ENTPD1: variants seen among roughly 807,000 people sequenced by gnomAD.
ENTPD1 encodes ATP diphosphohydrolase.
Under a neutral mutation model 57.0 loss-of-function variants are expected in ENTPD1, and 33 were observed. That is an observed-to-expected ratio of 0.58 (90% CI 0.44 to 0.77). The LOEUF (loss-of-function observed/expected upper bound fraction) is 0.77, where lower values mean the gene tolerates loss of function less well. ENTPD1 is among the 30% of genes least tolerant of loss of function. The pLI is 0.00. For synonymous variants in ENTPD1, 202 were observed against 218.8 expected (o/e 0.92, Z 0.68); for missense variants, 501 against 603.4 (o/e 0.83, Z 1.78).
the ENTPD1 span, among the ~76,000 whole-genome samples, chr10:95,702,469 T>C: frequency 6.6e-6 from 1 of 151,892 alleles, no homozygotes; most frequent in Non-Finnish European, 1.5e-5. Flanking sequence ...GAAAATGTGT[T>C]GAAAATTCAG....
intron 1 of ENTPD1, among the ~76,000 whole-genome samples, chr10:95,762,227 A>AAT (rs2098067394): frequency 6.6e-6 from 1 of 151,236 alleles, no homozygotes; most frequent in African/African-American, 2.4e-5. Context: ...AAAAAAAAAA[A>AAT]GAAGTGTTTC....
In ENTPD1 at chr10:95,870,524, C is replaced by T. The variant is rs902049033; in HGVS notation, c.*4141C>T. The T allele has an allele frequency of 1.0e-6, 1 of 974,562 alleles. No individual in the cohort carries two copies. Among genetic ancestry groups the T allele is most frequent in the African/African-American group, 1.8e-5 (1 of 57,128 alleles). The allele number at this position is 974,562 out of a possible 1,614,324, so 60.4% of individuals were successfully genotyped here. A position where few individuals can be genotyped will look rare whatever the true frequency, so the allele number is the denominator to read the frequency against. On this transcript the variant is annotated 3_prime_UTR_variant, in exon 10 of 10. Coordinates refer to ENST00000371205, the MANE Select transcript of ENTPD1 (RefSeq NM_001776.6). ...GAACTCCTGCCCTCAAGCAATCCTC[C>T]TGCCTTGGCCTCCCAAAGTGTTGAG... is the stretch of plus-strand genomic sequence containing the variant.
In ENTPD1 at chr10:95,845,473, C is replaced by A. The variant is rs1184807168; in HGVS notation, c.690C>A (p.Ile230=). The change falls in exon 6 of 10, where the codon ATC becomes ATA. Residue 230 remains isoleucine, a synonymous_variant. Coordinates refer to ENST00000371205, the MANE Select transcript of ENTPD1 (RefSeq NM_001776.6). The part of the protein sequence containing the change: ...QVTFVPQNQT[I]ESPDNALQFR... ...CTTTTGTACCCCAAAACCAGACTAT[C>A]GAGTCCCCAGATAATGCTCTGCAAT... 6.2e-7 allele frequency: 1 copy of A among 1,614,204 alleles called. No individual in the cohort carries two copies. The highest frequency in any genetic ancestry group is 8.5e-7 in the Non-Finnish European group (1 of 1,180,036).
Position 95,813,001 on chromosome 10 carries a change from C to T in ENTPD1, c.17-10236C>T, listed in dbSNP as rs190325117. ...CATTTTCTTAATGATTTTAAAATGA[C>T]GCTTATATATTAGTGAATCCAACTA... On this transcript the variant is annotated intron_variant, in intron 1 of 9. Transcript: ENST00000371205. Among the ~76,000 whole-genome samples, 95 of 152,174 alleles carry T rather than the reference C, an allele frequency of 6.2e-4. 1 individual carries two copies. Among genetic ancestry groups the T allele is most frequent in the East Asian group, 1.7e-3 (9 of 5,192 alleles).
At chr10:95,707,563 G>C (rs1292318514), upstream of ENTPD1, among the ~76,000 whole-genome samples, 4 of 152,146 alleles carry the variant, frequency 2.6e-5, no homozygotes, top group Admixed American at 6.5e-5. Context: ...CTTCAAATGG[G>C]CTAGGGTTAC....
chr10:95,806,890 A>G (rs2098275046), intron 1 of ENTPD1, among the ~76,000 whole-genome samples: 1 of 152,132 alleles, frequency 6.6e-6, no homozygotes, highest in Non-Finnish European at 1.5e-5. Flanking sequence ...GCTTCGTCCC[A>G]AAAGGGGACC....
intron 1 of ENTPD1, among the ~76,000 whole-genome samples, chr10:95,781,196 C>T (rs2098156199): frequency 6.6e-6 from 1 of 151,758 alleles, no homozygotes; most frequent in Non-Finnish European, 1.5e-5. Context: ...TTTGTGGGAG[C>T]TAAAAATTAA....
intron 1 of ENTPD1, among the ~76,000 whole-genome samples, chr10:95,768,235 T>G (rs1241207351): frequency 6.6e-6 from 1 of 152,266 alleles, no homozygotes; most frequent in Non-Finnish European, 1.5e-5. Flanking sequence ...ATAAGATAAC[T>G]GGGTATAGAC....
chr10:95,812,362 CT>C (rs1322740206), intron 1 of ENTPD1, among the ~76,000 whole-genome samples: 1 of 152,154 alleles, frequency 6.6e-6, no homozygotes, highest in Non-Finnish European at 1.5e-5. Flanking sequence ...AGTCTGGTTT[CT>C]TTTACTTAGC....
Position 95,867,346 on chromosome 10 carries a change from A to G in ENTPD1, c.*963A>G, listed in dbSNP as rs1279917104. 1 of 985,384 alleles carries G rather than the reference A, an allele frequency of 1.0e-6. No individual in the cohort carries two copies. Among genetic ancestry groups the G allele is most frequent in the Non-Finnish European group, 1.2e-6 (1 of 829,952 alleles). 61.0% of individuals were successfully genotyped at this position (985,384 alleles called of 1,614,324 possible). A position where few individuals can be genotyped will look rare whatever the true frequency, so the allele number is the denominator to read the frequency against. On this transcript the variant is annotated 3_prime_UTR_variant, in exon 10 of 10. Coordinates refer to ENST00000371205, the MANE Select transcript of ENTPD1 (RefSeq NM_001776.6). ...TAGTTCCAGAACATTTGCATCATCA[A>G]TACATTGTCTAGAGACAAGACTATC...
rs770434965 is a variant in ENTPD1, at chr10:95,873,491, G to A, written c.*7108G>A. 14 of 985,344 alleles carry A rather than the reference G, an allele frequency of 1.4e-5. No individual in the cohort carries two copies. Among genetic ancestry groups the A allele is most frequent in the Non-Finnish European group, 1.7e-5 (14 of 829,986 alleles). 61.0% of individuals were successfully genotyped at this position (985,344 alleles called of 1,614,324 possible). A position where few individuals can be genotyped will look rare whatever the true frequency, so the allele number is the denominator to read the frequency against. The stretch of plus-strand genomic sequence containing the variant: ...TCTTGCCCTGGTCTTCAGTGTATTA[G>A]ATGTATTACCTCCATGCTCTCAGTA... On this transcript the variant is annotated 3_prime_UTR_variant, in exon 10 of 10. Transcript: ENST00000371205.
rs543384835 is a variant in ENTPD1, at chr10:95,876,460, A to G, written c.*10077A>G. On this transcript the variant is annotated 3_prime_UTR_variant, in exon 10 of 10. Transcript: ENST00000371205. ...TATAGGCATACCATAATTGTAATCA[A>G]TAGCTTAAAAATATGTCTCTCTGTC... The G allele has an allele frequency of 1.6e-6, 2 of 1,231,412 alleles. No homozygotes were observed. The highest frequency in any genetic ancestry group is 3.1e-5 in the African/African-American group (2 of 64,424). The allele number at this position is 1,231,412 out of a possible 1,614,324, so 76.3% of individuals were successfully genotyped here.
At chr10:95,720,995 A>G (rs6584018) in intron 1 of ENTPD1, among the ~76,000 whole-genome samples, 75,614 of 151,854 alleles carry the variant, frequency 0.5, 19,320 homozygotes, top group East Asian at 0.74. Flanking sequence ...CAAGTTCAAT[A>G]GGGTTTTTTA....
intron 1 of ENTPD1, among the ~76,000 whole-genome samples, chr10:95,732,902 G>A (rs1319580335): frequency 6.6e-6 from 1 of 152,152 alleles, no homozygotes; most frequent in African/African-American, 2.4e-5. Flanking sequence ...GGCAAATGGA[G>A]GCAGGGTGAG....
Position 95,845,497 on chromosome 10 carries a change from A to G in ENTPD1, c.714A>G (p.Gln238=), listed in dbSNP as rs1347354562. ...TCGAGTCCCCAGATAATGCTCTGCA[A>G]TTTCGCCTCTATGGCAAGGACTACA... is the stretch of plus-strand genomic sequence containing the variant. ...QTIESPDNAL[Q]FRLYGKDYNV... Residue 238 remains glutamine, a synonymous_variant, in exon 6 of 10, where the codon CAA becomes CAG. Transcript: ENST00000371205. 2 of 1,614,102 alleles carry G rather than the reference A, an allele frequency of 1.2e-6. No individual in the cohort carries two copies. The highest frequency in any genetic ancestry group is 1.3e-5 in the African/African-American group (1 of 74,930).
In ENTPD1 at chr10:95,871,457, A is replaced by C; in HGVS notation, c.*5074A>C. The stretch of plus-strand genomic sequence containing the variant: ...GTCCTAGGAAACCATACATCTATGT[A>C]TTTTTCTTATTTTATACGTTTAGGA... On this transcript the variant is annotated 3_prime_UTR_variant, in exon 10 of 10. Coordinates refer to ENST00000371205, the MANE Select transcript of ENTPD1 (RefSeq NM_001776.6). 1 of 985,362 alleles carries C rather than the reference A, an allele frequency of 1.0e-6. No individual in the cohort carries two copies. The highest frequency in any genetic ancestry group is 1.2e-6 in the Non-Finnish European group (1 of 829,906). The allele number at this position is 985,362 out of a possible 1,614,324, so 61.0% of individuals were successfully genotyped here.
intron 1 of ENTPD1, among the ~76,000 whole-genome samples, chr10:95,735,256 C>G (rs1304938345): frequency 6.6e-6 from 1 of 152,102 alleles, no homozygotes; most frequent in Non-Finnish European, 1.5e-5. Flanking sequence ...TTATTGAACT[C>G]CTGACCTCAG....
chr10:95,758,002 C>CAAAAAAAAAAAA (rs57407553), intron 1 of ENTPD1, among the ~76,000 whole-genome samples: 10 of 26,408 alleles, frequency 3.8e-4, no homozygotes, highest in East Asian at 1.7e-3. Flanking sequence ...GACACTGTCT[C>CAAAAAAAAAAAA]AAAAAAAAAA....
chr10:95,744,831 A>G (rs182208638), intron 1 of ENTPD1, among the ~76,000 whole-genome samples: 3 of 152,284 alleles, frequency 2.0e-5, no homozygotes, highest in African/African-American at 7.2e-5. Context: ...TGACAAATGC[A>G]TATTGTCATG....
Sources: allele counts gnomAD v4.1 joint callset (sites outside exome capture counted in the v4.1 genomes callset), GRCh38; gene constraint gnomAD v4.1.1; transcripts MANE v1.5; gene names NCBI Gene and HGNC (gene_info 2026-07-23, HGNC 2026-07-21).